The following DLG2 variants were observed in gnomAD, a reference collection of about 807,000 sequenced individuals.
DLG2 encodes disks large homolog 2.
A neutral mutation model predicts 132.5 loss-of-function variants in DLG2; 45 were observed. The observed-to-expected ratio is 0.34, with a 90% CI of 0.27 to 0.44. The LOEUF (loss-of-function observed/expected upper bound fraction) is 0.44, where lower values mean the gene tolerates loss of function less well. Among genes scored for constraint, DLG2 ranks in the 20% least tolerant of loss-of-function variants. DLG2 has a pLI of 1.00. For missense variants in DLG2, 1,045 were observed against 1,196.9 expected, an observed-to-expected ratio of 0.87 and a Z score of 1.87; for synonymous variants, 424 against 419.6, an observed-to-expected ratio of 1.01 and a Z score of -0.13.
At chr11:84,245,718 G>T (rs114489393) in intron 8 of DLG2, among the ~76,000 whole-genome samples, 17 of 152,308 alleles carry the variant, frequency 1.1e-4, no homozygotes, top group African/African-American at 3.9e-4. Flanking sequence ...CTCCCTATCA[G>T]TTGAACCAGG....
chr11:84,434,436 A>G (rs2098994457), intron 7 of DLG2, among the ~76,000 whole-genome samples: 1 of 152,180 alleles, frequency 6.6e-6, no homozygotes, highest in South Asian at 2.1e-4. Flanking sequence ...TAGAGACACA[A>G]GGAGTCAGTT....
chr11:85,147,306 T>C (rs1279397981), intron 5 of DLG2, among the ~76,000 whole-genome samples: 3 of 152,192 alleles, frequency 2.0e-5, no homozygotes, highest in Non-Finnish European at 2.9e-5. Context: ...GCCTCCCTCC[T>C]ATCTATTGAC....
At chr11:84,176,910 C>T (rs376616509) in intron 8 of DLG2, among the ~76,000 whole-genome samples, 1 of 151,660 alleles carries the variant, frequency 6.6e-6, no homozygotes, top group East Asian at 1.9e-4. Context: ...TTTCCATTCC[C>T]TTCCTTTCCT....
chr11:85,530,984 C>T (rs1565643619), intron 3 of DLG2, among the ~76,000 whole-genome samples: 1 of 152,120 alleles, frequency 6.6e-6, no homozygotes, highest in South Asian at 2.1e-4. Context: ...AGGCTTTCTG[C>T]CCTCCCCCTA....
At position 85,492,755 on chromosome 11, in the gene DLG2, T is replaced by C. The variant is rs2093590459; in HGVS notation, c.40+105902A>G. Reference sequence around the variant, plus strand: ...ATGGCACACTAAAATTCATGGAGTGTCCCTAGGGAGGTACCTTAAAAGGAT... The same window carrying C: ...ATGGCACACTAAAATTCATGGAGTGCCCCTAGGGAGGTACCTTAAAAGGAT... On this transcript the variant is annotated intron_variant, in intron 3 of 27. Transcript: ENST00000376104. Among the ~76,000 whole-genome samples the C allele has an allele frequency of 2.1e-5, 3 of 145,774 alleles. No individual in the cohort carries two copies. In the South Asian group the frequency reaches 6.5e-4, roughly 31 times the overall value.
intron 7 of DLG2, among the ~76,000 whole-genome samples, chr11:84,386,661 C>T (rs2098771584): frequency 6.6e-6 from 1 of 151,988 alleles, no homozygotes; most frequent in African/African-American, 2.4e-5. Flanking sequence ...ACTGTTAGTG[C>T]CAGGTCAGGT....
chr11:85,128,147 G>A (rs1323163053), intron 5 of DLG2, among the ~76,000 whole-genome samples: 2 of 152,114 alleles, frequency 1.3e-5, no homozygotes, highest in Non-Finnish European at 2.9e-5. Flanking sequence ...TAATAAAAAT[G>A]AATAGTACCA....
chr11:83,535,442 C>T (rs547392930), intron 20 of DLG2, among the ~76,000 whole-genome samples: 2 of 152,174 alleles, frequency 1.3e-5, no homozygotes, highest in Admixed American at 6.5e-5. Context: ...TAATACTGTC[C>T]CCTGCCCTGC....
intron 7 of DLG2, among the ~76,000 whole-genome samples, chr11:84,507,209 T>A (rs1185078065): frequency 1.3e-5 from 2 of 152,156 alleles, no homozygotes; most frequent in Admixed American, 1.3e-4. Context: ...AAATCAAATA[T>A]AATTCCTACC....
intron 6 of DLG2, among the ~76,000 whole-genome samples, chr11:84,715,005 G>C (rs1234972743): frequency 1.3e-5 from 2 of 151,876 alleles, no homozygotes; most frequent in African/African-American, 2.4e-5. Context: ...AAGAAAGGTA[G>C]GTTGCTTTCT....
rs191827722 is a variant in DLG2, at chr11:84,912,378, G to C, written c.357+199283C>G. 3.1e-4 allele frequency among the ~76,000 whole-genome samples: 47 copies of C among 152,254 alleles called. 1 individual carries two copies. The highest frequency in any genetic ancestry group is 3.4e-3 in the Middle Eastern group (1 of 294). ...TCACCGTGTTAGCCAGGATGGTCTC[G>C]ATCTCCTGATCTTGTGATCCGCCCG... is the stretch of plus-strand genomic sequence containing the variant. On this transcript the variant is annotated intron_variant, in intron 6 of 27. Coordinates refer to ENST00000376104, the MANE Select transcript of DLG2 (RefSeq NM_001142699.3).
intron 11 of DLG2, among the ~76,000 whole-genome samples, chr11:83,993,157 CA>C (rs1230605803): frequency 6.6e-6 from 1 of 151,946 alleles, no homozygotes; most frequent in Non-Finnish European, 1.5e-5. Context: ...TCCTTTTTAA[CA>C]AAATTATATG....
At chr11:84,418,150 T>C (rs2098936220) in intron 7 of DLG2, among the ~76,000 whole-genome samples, 1 of 152,192 alleles carries the variant, frequency 6.6e-6, no homozygotes, top group Non-Finnish European at 1.5e-5. Flanking sequence ...TTGCATATGG[T>C]GCTACCATAC....
chr11:84,841,451 G>T (rs2080678237), intron 6 of DLG2, among the ~76,000 whole-genome samples: 1 of 151,912 alleles, frequency 6.6e-6, no homozygotes, highest in Admixed American at 6.6e-5. Flanking sequence ...AAAATCAAAT[G>T]CTAATTTAGA....
intron 6 of DLG2, among the ~76,000 whole-genome samples, chr11:84,741,507 CA>C (rs1192184102): frequency 6.6e-6 from 1 of 151,954 alleles, no homozygotes; most frequent in Non-Finnish European, 1.5e-5. Context: ...CCACCACCAC[CA>C]CCACCACAAA....
At chr11:84,624,683 G>A (rs897859788) in intron 6 of DLG2, among the ~76,000 whole-genome samples, 1 of 151,294 alleles carries the variant, frequency 6.6e-6, no homozygotes, top group Admixed American at 6.6e-5. Flanking sequence ...TCTTCCCCAT[G>A]ACATTCCTCC....
chr11:84,873,370 C>A (rs2085796526), intron 6 of DLG2, among the ~76,000 whole-genome samples: 1 of 152,222 alleles, frequency 6.6e-6, no homozygotes, highest in African/African-American at 2.4e-5. Context: ...CCAAAAGGAA[C>A]ACAGCCCTGC....
At position 84,392,605 on chromosome 11, in the gene DLG2, T is replaced by C. The variant is rs1014593264; in HGVS notation, c.520-141314A>G. 3.3e-5 allele frequency among the ~76,000 whole-genome samples: 5 copies of C among 152,234 alleles called. No individual in the cohort carries two copies. In the East Asian group the frequency reaches 5.8e-4, roughly 18 times the overall value. ...TATTTGCAAGCATGTATTGAACACT[T>C]ACTATGTATCAGACGTTGTTTTTGG... On this transcript the variant is annotated intron_variant, in intron 7 of 27. Transcript: ENST00000376104.
intron 10 of DLG2, among the ~76,000 whole-genome samples, chr11:84,089,239 G>T (rs545859950): frequency 3.3e-5 from 5 of 152,144 alleles, no homozygotes; most frequent in African/African-American, 4.8e-5. Flanking sequence ...ATGCCTGGAA[G>T]TTACTCCCTT....
Sources: gnomAD v4.1 joint callset for allele counts (sites outside exome capture counted in the v4.1 genomes callset) on GRCh38, gnomAD v4.1.1 for gene constraint, MANE v1.5 for transcripts, NCBI Gene and HGNC (gene_info 2026-07-23, HGNC 2026-07-21) for gene names.